The following TRPM6 variants were observed in gnomAD, a reference collection of about 807,000 sequenced individuals.
The protein encoded by TRPM6 is channel kinase 2.
Under a neutral mutation model 247.6 loss-of-function variants are expected in TRPM6, and 111 were observed. The observed-to-expected ratio is 0.45, with a 90% CI of 0.38 to 0.52. The LOEUF is 0.52. TRPM6 is among the 20% of genes least tolerant of loss of function. The pLI is 0.00. For synonymous variants in TRPM6, 892 were observed against 853.8 expected (o/e 1.04, Z -0.78); for missense variants, 2,126 against 2,421.5 (o/e 0.88, Z 2.56).
chr9:74,852,068 T>G lies in TRPM6; in HGVS notation c.152+3459A>C, dbSNP rs376019320. Among the ~76,000 whole-genome samples, 10 of 151,712 alleles carry G rather than the reference T, an allele frequency of 6.6e-5. No individual in the cohort carries two copies. In the East Asian group the frequency reaches 1.9e-3, roughly 29 times the overall value. ...TGGGGATCACTTGAACCCAAGAGTT[T>G]GAGGTTGCAATGAGCTATGACTGTA... On this transcript the variant is annotated intron_variant, in intron 3 of 38. Transcript: ENST00000360774.
At chr9:74,804,629 G>C in intron 14 of TRPM6, 2 of 747,754 alleles carry the variant, frequency 2.7e-6, no homozygotes, top group Non-Finnish European at 4.9e-6. Context: ...TTACAAACTG[G>C]TCTGAAGGCA....
intron 23 of TRPM6, among the ~76,000 whole-genome samples, chr9:74,778,556 A>G (rs778474644): frequency 3.9e-5 from 6 of 152,190 alleles, no homozygotes; most frequent in Non-Finnish European, 5.9e-5. Context: ...CATTAGGGAC[A>G]GGGTCAGTCC....
chr9:74,792,504 C>T, intron 19 of TRPM6, 120 bp downstream of exon 19: 1 of 1,166,278 alleles, frequency 8.6e-7, no homozygotes, highest in Non-Finnish European at 1.3e-6. Flanking sequence ...CATGCCCTCA[C>T]TTTTTTTTAA....
chr9:74,858,557 C>A (rs574359468), intron 2 of TRPM6, 112 bp downstream of exon 2: 7 of 640,366 alleles, frequency 1.1e-5, no homozygotes, highest in African/African-American at 3.7e-5. Flanking sequence ...ATTGAAAATT[C>A]TAACTTTATA....
chr9:74,796,577 C>A (rs1191195408), intron 18 of TRPM6, among the ~76,000 whole-genome samples, 164 bp downstream of exon 18: 1 of 152,134 alleles, frequency 6.6e-6, no homozygotes, highest in African/African-American at 2.4e-5. Flanking sequence ...TGGTCAGAGG[C>A]ATTTTAAAAT....
chr9:74,730,527 A>C (rs1035145719), intron 37 of TRPM6, among the ~76,000 whole-genome samples: 2 of 152,142 alleles, frequency 1.3e-5, no homozygotes, highest in Admixed American at 6.5e-5. Flanking sequence ...GTTGTTGCAA[A>C]GGCTAAAATA....
chr9:74,784,981 G>A (rs1429653910), intron 21 of TRPM6, among the ~76,000 whole-genome samples: 1 of 152,116 alleles, frequency 6.6e-6, no homozygotes, highest in Non-Finnish European at 1.5e-5. Context: ...TGGCATGATG[G>A]TGTGTGCCTG....
At chr9:74,727,722 T>C (rs905150851) in intron 38 of TRPM6, among the ~76,000 whole-genome samples, 1 of 151,798 alleles carries the variant, frequency 6.6e-6, no homozygotes, top group African/African-American at 2.4e-5. Context: ...TGTCATATTA[T>C]CAAATCAGAT....
chr9:74,860,457 C>CAAA (rs1307695799), intron 1 of TRPM6, among the ~76,000 whole-genome samples: 1 of 152,106 alleles, frequency 6.6e-6, no homozygotes, highest in Non-Finnish European at 1.5e-5. Context: ...CTCTAGGTTT[C>CAAA]AAGCGATTCT....
intron 11 of TRPM6, among the ~76,000 whole-genome samples, chr9:74,815,794 A>C (rs1248877610): frequency 6.6e-6 from 1 of 152,266 alleles, no homozygotes; most frequent in Non-Finnish European, 1.5e-5. Context: ...GAGAACTACC[A>C]TCTTTTAAAA....
At chr9:74,775,545 C>T (rs986744738) in intron 24 of TRPM6, among the ~76,000 whole-genome samples, 6 of 152,312 alleles carry the variant, frequency 3.9e-5, no homozygotes, top group African/African-American at 4.8e-5. Flanking sequence ...GAACAGTACA[C>T]GTCACATGAC....
chr9:74,806,498 G>A (rs1035467748), intron 14 of TRPM6, among the ~76,000 whole-genome samples: 1 of 151,910 alleles, frequency 6.6e-6, no homozygotes, highest in African/African-American at 2.4e-5. Context: ...GAAATGATGA[G>A]GTGAAGACTT....
intron 16 of TRPM6, among the ~76,000 whole-genome samples, chr9:74,801,221 A>C (rs1394899059): frequency 7.4e-6 from 1 of 136,006 alleles, no homozygotes; most frequent in Non-Finnish European, 1.5e-5. Context: ...TAAAGGTGTG[A>C]GCCACTGCAC....
intron 17 of TRPM6, 110 bp downstream of exon 17, chr9:74,800,144 A>T: frequency 2.0e-6 from 2 of 1,001,828 alleles, no homozygotes; most frequent in Non-Finnish European, 3.1e-6. Context: ...GCTCTCAAAT[A>T]TATTAACTGG....
intron 25 of TRPM6, among the ~76,000 whole-genome samples, chr9:74,769,977 G>A (rs949422262): frequency 2.6e-5 from 4 of 152,148 alleles, no homozygotes; most frequent in African/African-American, 4.8e-5. Flanking sequence ...ATAAAGGGGC[G>A]CAGAACGTGT....
chr9:74,886,709 A>G (rs781637562), intron 1 of TRPM6, among the ~76,000 whole-genome samples: 7 of 152,150 alleles, frequency 4.6e-5, no homozygotes, highest in Non-Finnish European at 8.8e-5. Flanking sequence ...ACAACCTGCT[A>G]AATACGTCAG....
chr9:74,740,119 G>A, intron 33 of TRPM6, 110 bp from the exon 34 acceptor site: 2 of 1,239,140 alleles, frequency 1.6e-6, no homozygotes, highest in Non-Finnish European at 2.3e-6. Context: ...ATGACCAGAG[G>A]AGAATGGGAC....
intron 21 of TRPM6, 102 bp from the exon 22 acceptor site, chr9:74,782,955 T>A: frequency 8.7e-7 from 1 of 1,150,524 alleles, no homozygotes; most frequent in Non-Finnish European, 1.3e-6. Flanking sequence ...AATAATAAGA[T>A]TGTCTAGTCA....
chr9:74,788,762 T>G lies in TRPM6; in HGVS notation c.2539-20A>C. 1.2e-6 allele frequency: 2 copies of G among 1,612,590 alleles called. No individual in the cohort carries two copies. Among genetic ancestry groups the G allele is most frequent in the South Asian group, 2.2e-5 (2 of 90,936 alleles). On this transcript the variant is annotated intron_variant, in intron 19 of 38. Coordinates refer to ENST00000360774, the MANE Select transcript of TRPM6 (RefSeq NM_017662.5). The stretch of plus-strand genomic sequence containing the variant: ...CGCCATCTGTGAGGGGGACACACAT[T>G]CCCCAGATGTGAGTGAGAGCAAGCA...
Sources: gnomAD v4.1 joint callset for allele counts (sites outside exome capture counted in the v4.1 genomes callset) on GRCh38, gnomAD v4.1.1 for gene constraint, MANE v1.5 for transcripts, NCBI Gene and HGNC (gene_info 2026-07-23, HGNC 2026-07-21) for gene names.